LCN1: variants seen among roughly 807,000 people sequenced by gnomAD.
The protein encoded by LCN1 is lipocalin-1.
Under a neutral mutation model 22.3 loss-of-function variants are expected in LCN1, and 25 were observed. The ratio of observed to expected loss-of-function variants is 1.12; its 90% confidence interval spans 0.82 to 1.56. LCN1 has a LOEUF of 1.56. LCN1 is among the 40% of genes most tolerant of loss of function. The pLI is 0.00. For missense variants in LCN1, 219 were observed against 235.6 expected (o/e 0.93, Z 0.46); for synonymous variants, 85 against 97.6 (o/e 0.87, Z 0.76).
At chr9:135,522,805 A>G (rs1230306351) in intron 2 of LCN1, among the ~76,000 whole-genome samples, 1 of 152,096 alleles carries the variant, frequency 6.6e-6, no homozygotes, top group Non-Finnish European at 1.5e-5. Context: ...TTTTTCCCCC[A>G]AAGCCCCTCA....
At position 135,526,472 on chromosome 9, in the gene LCN1, C is replaced by T. The variant is rs973096030; in HGVS notation, c.*130C>T. 1 of 1,281,364 alleles carries T rather than the reference C, an allele frequency of 7.8e-7. No individual in the cohort carries two copies. The highest frequency in any genetic ancestry group is 1.5e-5 in the African/African-American group (1 of 65,532). 79.4% of individuals were successfully genotyped at this position (1,281,364 alleles called of 1,614,324 possible). On this transcript the variant is annotated 3_prime_UTR_variant, in exon 7 of 7. Coordinates refer to ENST00000371781, the MANE Select transcript of LCN1 (RefSeq NM_002297.4). ...GCTGGCTGCACCCCTTCCTACCACC[C>T]CCCGCCTTCCCCCTGCCCTGCGCCC... is the stretch of plus-strand genomic sequence containing the variant.
chr9:135,525,451 G>A (rs1831614138), intron 6 of LCN1, among the ~76,000 whole-genome samples: 1 of 152,164 alleles, frequency 6.6e-6, no homozygotes, highest in Non-Finnish European at 1.5e-5. Context: ...GGCAGGAGCA[G>A]GCAGGAGATT....
rs1470218738 is a variant in LCN1, at chr9:135,524,951, A to G, written c.505+20A>G. The G allele has an allele frequency of 7.5e-6, 12 of 1,598,878 alleles. No individual in the cohort carries two copies. Among genetic ancestry groups the G allele is most frequent in the Non-Finnish European group, 1.0e-5 (12 of 1,171,398 alleles). ...AGAGCGGTAGGAGGCATGGCCCTGC[A>G]GAGCCCCCCATGTCCCCGCGTGGGG... On this transcript the variant is annotated intron_variant, in intron 5 of 6. Coordinates refer to ENST00000371781, the MANE Select transcript of LCN1 (RefSeq NM_002297.4).
chr9:135,525,001 G>A, intron 5 of LCN1, 70 bp downstream of exon 5: 1 of 1,553,906 alleles, frequency 6.4e-7, no homozygotes. Context: ...GCATTGCACG[G>A]GCGCATAACT....
rs1194960712 is a variant in LCN1, at chr9:135,525,174, T to C, written c.*1+16T>C. 1 of 1,612,208 alleles carries C rather than the reference T, an allele frequency of 6.2e-7. No individual in the cohort carries two copies. The highest frequency in any genetic ancestry group is 8.5e-7 in the Non-Finnish European group (1 of 1,179,078). On this transcript the variant is annotated intron_variant, in intron 6 of 6. Transcript: ENST00000371781. ...AGCGATTAGGGTGAGTGAACAGCTT[T>C]AGAGGACATTTGAGAAAATCCAGTT... is the stretch of plus-strand genomic sequence containing the variant.
Position 135,523,909 on chromosome 9 carries a change from A to G in LCN1, c.322A>G (p.Arg108Gly). Residue 108 changes from arginine (R) to glycine (G), a missense_variant, in exon 4 of 7, where the codon AGG (arginine) becomes GGG (glycine). Transcript: ENST00000371781. ...DGGKHVAYIIRSHVKDHYIFY... is the reference protein window; with the variant it reads ...DGGKHVAYIIGSHVKDHYIFY... ...GGGCAAGCACGTGGCATACATCATC[A>G]GGTCGCACGTGAAGGACCACTACAT... 1 of 1,614,038 alleles carries G rather than the reference A, an allele frequency of 6.2e-7. No individual in the cohort carries two copies. The highest frequency in any genetic ancestry group is 8.5e-7 in the Non-Finnish European group (1 of 1,179,952).
At chr9:135,523,047 C>A (rs1433405776) in intron 2 of LCN1, among the ~76,000 whole-genome samples, 185 bp from the exon 3 acceptor site, 1 of 152,146 alleles carries the variant, frequency 6.6e-6, no homozygotes, top group Non-Finnish European at 1.5e-5. Context: ...CGGGAGACCC[C>A]GGGAACTGCC....
intron 1 of LCN1, 90 bp from the exon 2 acceptor site, chr9:135,521,957 G>A: frequency 1.3e-6 from 2 of 1,528,666 alleles, no homozygotes; most frequent in South Asian, 2.4e-5. Flanking sequence ...CCAGCCCTCG[G>A]GGTGCGGTAG....
At chr9:135,521,831 G>A (rs1436313723) in intron 1 of LCN1, among the ~76,000 whole-genome samples, 2 of 152,130 alleles carry the variant, frequency 1.3e-5, no homozygotes, top group Non-Finnish European at 2.9e-5. Context: ...CTTCCCTGGG[G>A]ATGAGGGCTC....
intron 3 of LCN1, 54 bp downstream of exon 3, chr9:135,523,356 G>C (rs1046826055): frequency 6.2e-5 from 94 of 1,524,178 alleles, no homozygotes; most frequent in Non-Finnish European, 8.3e-5. Context: ...CTGGATGTGC[G>C]GGGGCAGCCA....
chr9:135,522,066 T>C lies in LCN1; in HGVS notation c.110T>C (p.Leu37Pro). 1 of 1,592,862 alleles carries C rather than the reference T, an allele frequency of 6.3e-7. No homozygotes were observed. The highest frequency in any genetic ancestry group is 8.5e-7 in the Non-Finnish European group (1 of 1,169,944). The change falls in exon 2 of 7, where the codon CTG (leucine) becomes CCG (proline). Residue 37 changes from leucine to proline, a missense_variant. Leu to Pro is a moderately conservative substitution (Grantham distance 98). Transcript: ENST00000371781. ...EIQDVSGTWYLKAMTVDREFP... is the reference protein window; with the variant it reads ...EIQDVSGTWYPKAMTVDREFP... ...CTCCAGGTGTCAGGGACGTGGTATC[T>C]GAAGGCCATGACGGTGGACAGGGAG...
At chr9:135,526,163 G>A (rs1159911657) in intron 6 of LCN1, among the ~76,000 whole-genome samples, 181 bp from the exon 7 acceptor site, 2 of 90,808 alleles carry the variant, frequency 2.2e-5, no homozygotes, top group Non-Finnish European at 4.2e-5. Flanking sequence ...GCCCCCGAGA[G>A]CCTGCATGTG....
Position 135,521,596 on chromosome 9 carries a change from C to G in LCN1, c.90+9C>G, listed in dbSNP as rs541956450. ...ACGAGGAGATTCAGGATGTGAGGCC[C>G]GGATGGGAAGGCTGGGCTGGAGGGG... On this transcript the variant is annotated intron_variant, in intron 1 of 6. Coordinates refer to ENST00000371781, the MANE Select transcript of LCN1 (RefSeq NM_002297.4). 1 of 1,552,384 alleles carries G rather than the reference C, an allele frequency of 6.4e-7. No individual in the cohort carries two copies. Among genetic ancestry groups the G allele is most frequent in the East Asian group, 2.3e-5 (1 of 44,262 alleles).
intron 4 of LCN1, among the ~76,000 whole-genome samples, chr9:135,524,479 C>T (rs2118955592): frequency 6.6e-6 from 1 of 152,332 alleles, no homozygotes; most frequent in African/African-American, 2.4e-5. Context: ...CTCCTGAGTT[C>T]TCCCTGGAGC....
Position 135,526,494 on chromosome 9 carries a change from GC to G in LCN1, c.*157del, listed in dbSNP as rs1232533921. On this transcript the variant is annotated 3_prime_UTR_variant, in exon 7 of 7. Transcript: ENST00000371781. ...ACCCCCCGCCTTCCCCCTGCCCTGC[GC>G]CCCCTCTCCTGGTTCTCCATAAAGA... The G allele has an allele frequency of 7.9e-7, 1 of 1,266,732 alleles. No individual in the cohort carries two copies. Among genetic ancestry groups the G allele is most frequent in the African/African-American group, 1.5e-5 (1 of 65,072 alleles). 78.5% of individuals were successfully genotyped at this position (1,266,732 alleles called of 1,614,324 possible).
Position 135,523,928 on chromosome 9 carries a change from A to G in LCN1, c.341A>G (p.His114Arg). The G allele has an allele frequency of 6.2e-7, 1 of 1,614,114 alleles. No individual in the cohort carries two copies. Among genetic ancestry groups the G allele is most frequent in the African/African-American group, 1.3e-5 (1 of 75,038 alleles). ...ATCATCAGGTCGCACGTGAAGGACCACTACATCTTTTACTGTGAGGGCGAG... is the reference window on the plus strand; with the variant it reads ...ATCATCAGGTCGCACGTGAAGGACCGCTACATCTTTTACTGTGAGGGCGAG... Reference protein sequence around the residue: ...AYIIRSHVKDHYIFYCEGELH... With the variant: ...AYIIRSHVKDRYIFYCEGELH... The change falls in exon 4 of 7, where the codon CAC (histidine) becomes CGC (arginine). Residue 114 changes from histidine to arginine, a missense_variant. Coordinates refer to ENST00000371781, the MANE Select transcript of LCN1 (RefSeq NM_002297.4).
chr9:135,524,693 T>C lies in LCN1; in HGVS notation c.404-137T>C, dbSNP rs1291288562. 1.1e-5 allele frequency: 7 copies of C among 665,334 alleles called. No individual in the cohort carries two copies. In the East Asian group the frequency reaches 1.7e-4, roughly 16 times the overall value. The allele number at this position is 665,334 out of a possible 1,614,324, so 41.2% of individuals were successfully genotyped here. On this transcript the variant is annotated intron_variant, in intron 4 of 6. Transcript: ENST00000371781. ...GCACCCTGGTCCCACTTTGCCAGCC[T>C]GAGGGCCTCTGGGTTCAATTCCCCC... is the stretch of plus-strand genomic sequence containing the variant.
At chr9:135,524,137 G>A (rs1831569812) in intron 4 of LCN1, 147 bp downstream of exon 4, 1 of 648,688 alleles carries the variant, frequency 1.5e-6, no homozygotes, top group Non-Finnish European at 2.7e-6. Context: ...CCTGATAAAG[G>A]CCTCAATTCC....
intron 5 of LCN1, 99 bp downstream of exon 5, chr9:135,525,030 G>C (rs1564230872): frequency 6.4e-7 from 1 of 1,563,610 alleles, no homozygotes; most frequent in East Asian, 2.2e-5. Flanking sequence ...TCTAATTCTG[G>C]CTTTGTCCTT....
Sources: gnomAD v4.1 joint callset for allele counts (sites outside exome capture counted in the v4.1 genomes callset) on GRCh38, gnomAD v4.1.1 for gene constraint, MANE v1.5 for transcripts, NCBI Gene and HGNC (gene_info 2026-07-23, HGNC 2026-07-21) for gene names.